The following ARIH1 variants were observed in gnomAD, a reference collection of about 807,000 sequenced individuals.
ARIH1 encodes ariadne RBR E3 ubiquitin protein ligase 1.
Under a neutral mutation model 85.0 loss-of-function variants are expected in ARIH1, and 8 were observed. That is an observed-to-expected ratio of 0.09 (90% CI 0.06 to 0.17). The LOEUF is 0.17. Ranked by LOEUF, ARIH1 falls within the 10% of genes least tolerant of loss-of-function variation. The pLI is 1.00. For missense variants in ARIH1, 311 were observed against 718.1 expected (o/e 0.43, Z 6.48); for synonymous variants, 238 against 253.6 (o/e 0.94, Z 0.59).
intron 7 of ARIH1, among the ~76,000 whole-genome samples, chr15:72,566,079 C>G (rs1297524878): frequency 6.6e-6 from 1 of 152,170 alleles, no homozygotes; most frequent in Non-Finnish European, 1.5e-5. Context: ...TTGCCCAGTA[C>G]CATTTCCCTC....
rs933411076 is a variant in ARIH1 at position 72,591,056 on chromosome 15, T to C, written c.*7764T>C. 1.3e-5 allele frequency: 2 copies of C among 151,610 alleles called. No homozygotes were observed. Among genetic ancestry groups the C allele is most frequent in the African/African-American group, 4.8e-5 (2 of 41,286 alleles). The allele number at this position is 151,610 out of a possible 1,614,324, so 9.4% of individuals were successfully genotyped here. ...GGCCAACACAGTGAAACCTCATCTC[T>C]ACTAAAAATACAAAAATTAGCCAGG... is the stretch of plus-strand genomic sequence containing the variant. On this transcript the variant is annotated 3_prime_UTR_variant, in exon 14 of 14. Coordinates refer to ENST00000379887, the MANE Select transcript of ARIH1 (RefSeq NM_005744.5).
chr15:72,487,202 A>G (rs566030005), intron 1 of ARIH1, among the ~76,000 whole-genome samples: 42 of 152,182 alleles, frequency 2.8e-4, no homozygotes, highest in Non-Finnish European at 4.7e-4. Flanking sequence ...CAGGTAATGA[A>G]GTATTAGGTA....
At chr15:72,561,603 T>C in intron 6 of ARIH1, 54 bp downstream of exon 6, 2 of 1,045,470 alleles carry the variant, frequency 1.9e-6, no homozygotes, top group South Asian at 3.2e-5. Context: ...TTAATAGAAA[T>C]ACTATTTTAA....
rs542814828 is a variant in ARIH1 at position 72,533,601 on chromosome 15, A to G, written c.444-11219A>G. ...CCGCTCTCAGGTATATATCCAATAGAAAGAAATACGTGCACATCTACATTG... is the reference window on the plus strand; with the variant it reads ...CCGCTCTCAGGTATATATCCAATAGGAAGAAATACGTGCACATCTACATTG... On this transcript the variant is annotated intron_variant, in intron 2 of 13. Coordinates refer to ENST00000379887, the MANE Select transcript of ARIH1 (RefSeq NM_005744.5). Among the ~76,000 whole-genome samples the G allele has an allele frequency of 4.5e-4, 68 of 152,340 alleles. 1 individual carries two copies. Among genetic ancestry groups the G allele is most frequent in the African/African-American group, 1.5e-3 (63 of 41,572 alleles).
chr15:72,531,035 G>A (rs1043764695), intron 2 of ARIH1, among the ~76,000 whole-genome samples: 1 of 152,124 alleles, frequency 6.6e-6, no homozygotes, highest in Admixed American at 6.5e-5. Context: ...CAGTTCCCAT[G>A]TGTGATAGCT....
intron 1 of ARIH1, among the ~76,000 whole-genome samples, chr15:72,511,500 T>C (rs2063950393): frequency 6.6e-6 from 1 of 152,170 alleles, no homozygotes; most frequent in South Asian, 2.1e-4. Context: ...AAATGGGGTT[T>C]CATCATGTTG....
At chr15:72,538,792 T>C (rs1000998144) in intron 2 of ARIH1, among the ~76,000 whole-genome samples, 1 of 152,232 alleles carries the variant, frequency 6.6e-6, no homozygotes, top group African/African-American at 2.4e-5. Context: ...GTAAATATAC[T>C]CAATGTGCAG....
intron 2 of ARIH1, among the ~76,000 whole-genome samples, chr15:72,530,822 A>G (rs1421049563): frequency 6.6e-6 from 1 of 152,236 alleles, no homozygotes; most frequent in African/African-American, 2.4e-5. Flanking sequence ...TGAAAATCAA[A>G]CAATGATCCA....
intron 2 of ARIH1, among the ~76,000 whole-genome samples, chr15:72,537,512 C>T (rs1053208057): frequency 2.0e-5 from 3 of 152,048 alleles, no homozygotes; most frequent in Non-Finnish European, 4.4e-5. Flanking sequence ...CTTATTATTC[C>T]GTATTGCTGT....
intron 3 of ARIH1, among the ~76,000 whole-genome samples, chr15:72,546,777 C>T (rs896480969): frequency 5.9e-5 from 9 of 151,586 alleles, no homozygotes; most frequent in East Asian, 1.9e-4. Flanking sequence ...TTTGTAGAGA[C>T]GGGGTTTCAC....
At chr15:72,518,661 G>T (rs986252839) in intron 2 of ARIH1, among the ~76,000 whole-genome samples, 1 of 152,154 alleles carries the variant, frequency 6.6e-6, no homozygotes, top group African/African-American at 2.4e-5. Flanking sequence ...GGTGGCGTAT[G>T]CCTGTAGTTC....
At chr15:72,564,740 G>C (rs1176936777) in intron 7 of ARIH1, among the ~76,000 whole-genome samples, 3 of 152,150 alleles carry the variant, frequency 2.0e-5, no homozygotes, top group African/African-American at 7.2e-5. Flanking sequence ...CCAAGATCAA[G>C]GTGCCAAAAG....
intron 11 of ARIH1, among the ~76,000 whole-genome samples, chr15:72,578,606 G>A (rs919735020): frequency 5.3e-5 from 8 of 151,510 alleles, no homozygotes; most frequent in Middle Eastern, 3.2e-3. Flanking sequence ...TGGTTTGTCC[G>A]CAAGTGTTTT....
intron 11 of ARIH1, 35 bp from the exon 12 acceptor site, chr15:72,580,696 A>G (rs1207237206): frequency 9.5e-6 from 15 of 1,579,198 alleles, no homozygotes; most frequent in Non-Finnish European, 1.3e-5. Context: ...TTTATGTGTT[A>G]TAATTATATC....
At chr15:72,486,661 CCTA>C (rs2063838498) in intron 1 of ARIH1, among the ~76,000 whole-genome samples, 1 of 148,450 alleles carries the variant, frequency 6.7e-6, no homozygotes, top group African/African-American at 2.5e-5. Context: ...TTTCCAGAGC[CCTA>C]CTTTTTTTTT....
At chr15:72,526,632 G>A (rs1403814966) in intron 2 of ARIH1, among the ~76,000 whole-genome samples, 1 of 152,118 alleles carries the variant, frequency 6.6e-6, no homozygotes, top group Admixed American at 6.6e-5. Flanking sequence ...CAGAGAGGCC[G>A]AGGTGGGTGT....
At chr15:72,540,523 A>G (rs2064102480) in intron 2 of ARIH1, among the ~76,000 whole-genome samples, 1 of 152,172 alleles carries the variant, frequency 6.6e-6, no homozygotes, top group African/African-American at 2.4e-5. Flanking sequence ...CAAATACATG[A>G]AACTTTGGTA....
intron 1 of ARIH1, among the ~76,000 whole-genome samples, chr15:72,490,590 C>G (rs1394300394): frequency 1.3e-5 from 2 of 152,070 alleles, no homozygotes; most frequent in African/African-American, 4.8e-5. Flanking sequence ...TTCCATGAAA[C>G]CAGTCCCTAG....
Position 72,544,964 on chromosome 15 carries a change from G to A in ARIH1, c.588G>A (p.Ser196=). Residue 196 remains serine, a splice_region_variant and synonymous_variant, in exon 3 of 14, where the codon TCG becomes TCA. Transcript: ENST00000379887. ...CQICYLNYPN[S]YFTGLECGHK... is the part of the protein sequence containing the mutation. ...TCTGCTACTTGAACTACCCTAACTC[G>A]GTGAGTATCTGGTAGTTTAAGGCTA... 6.3e-7 allele frequency: 1 copy of A among 1,580,316 alleles called. No individual in the cohort carries two copies.
Sources: allele counts gnomAD v4.1 joint callset (sites outside exome capture counted in the v4.1 genomes callset), GRCh38; gene constraint gnomAD v4.1.1; transcripts MANE v1.5; gene names NCBI Gene and HGNC (gene_info 2026-07-23, HGNC 2026-07-21).